The following ANKRD13D variants were observed in gnomAD, a reference collection of about 807,000 sequenced individuals.
The protein encoded by ANKRD13D is ankyrin repeat domain 13D, also known as ankyrin repeat domain-containing protein 13D.
ANKRD13D carries 24 observed loss-of-function variants against 68.8 expected under a neutral mutation model. The ratio of observed to expected loss-of-function variants is 0.35; its 90% CI spans 0.25 to 0.49. The LOEUF (loss-of-function observed/expected upper bound fraction) is 0.49. Among genes scored for constraint, ANKRD13D ranks in the 20% least tolerant of loss-of-function variants. The pLI is 0.99. For missense variants in ANKRD13D, 735 were observed against 832.1 expected (o/e 0.88, Z 1.44); for synonymous variants, 331 against 336.1 (o/e 0.98, Z 0.16).
intron 14 of ANKRD13D, 68 bp from the exon 15 acceptor site, chr11:67,302,050 GC>G: frequency 6.8e-7 from 1 of 1,466,056 alleles, no homozygotes; most frequent in Non-Finnish European, 9.1e-7. Flanking sequence ...CCGGTCCCCA[GC>G]CCCTCGGCTT....
In ANKRD13D at chr11:67,301,544, A is replaced by G; in HGVS notation, c.1405A>G (p.Ser469Gly). Residue 469 changes from serine (S) to glycine (G), a missense_variant, in exon 13 of 15, where the codon AGC (serine) becomes GGC (glycine). Coordinates refer to ENST00000511455, the MANE Select transcript of ANKRD13D (RefSeq NM_207354.3). The surrounding 1 kb of genome is among the most constrained non-coding windows in gnomAD (Gnocchi z 4.5). ...PTVFEVPNGY[S>G]VLGMERNEPL... Reference sequence around the variant, plus strand: ...CGTGTTTGAAGTGCCCAACGGGTACAGCGTGCTGGGCATGGAGCGCAACGA... The same window carrying G: ...CGTGTTTGAAGTGCCCAACGGGTACGGCGTGCTGGGCATGGAGCGCAACGA... The G allele has an allele frequency of 6.2e-7, 1 of 1,613,066 alleles. No individual in the cohort carries two copies. Among genetic ancestry groups the G allele is most frequent in the South Asian group, 1.1e-5 (1 of 91,088 alleles).
intron 6 of ANKRD13D, among the ~76,000 whole-genome samples, chr11:67,297,346 A>G (rs1860788910): frequency 6.6e-6 from 1 of 151,886 alleles, no homozygotes; most frequent in Non-Finnish European, 1.5e-5. Context: ...AGCTGGGAAC[A>G]CAGGCGCCAG....
At chr11:67,290,842 C>T (rs1002217273) in intron 3 of ANKRD13D, 2 of 195,820 alleles carry the variant, frequency 1.0e-5, no homozygotes, top group African/African-American at 4.6e-5. Context: ...GGAGCAGGCT[C>T]GGAGGGAGCC....
Position 67,289,535 on chromosome 11 carries a change from A to G in ANKRD13D, c.75A>G (p.Ala25=). 1.3e-6 allele frequency: 2 copies of G among 1,521,568 alleles called. No homozygotes were observed. Among genetic ancestry groups the G allele is most frequent in the East Asian group, 2.5e-5 (1 of 39,316 alleles). 94.3% of individuals were successfully genotyped at this position (1,521,568 alleles called of 1,614,324 possible). Residue 25 remains alanine (A), a synonymous_variant, in exon 1 of 15, where the codon GCA becomes GCG. Coordinates refer to ENST00000511455, the MANE Select transcript of ANKRD13D (RefSeq NM_207354.3). ...WANRHRELEA[A]LHSHQHDIEQ... is the part of the protein sequence containing the mutation. Reference sequence around the variant, plus strand: ...ACCGGCATCGCGAACTGGAGGCCGCACTGCACAGCCACCAGGTGAGGCCCC... The same window carrying G: ...ACCGGCATCGCGAACTGGAGGCCGCGCTGCACAGCCACCAGGTGAGGCCCC...
At position 67,290,378 on chromosome 11, in the gene ANKRD13D, T is replaced by G; in HGVS notation, c.283T>G (p.Tyr95Asp). ...CGAGATGGTGCAGCTGGTGCTCCAG[T>G]ATCGGGACTACCAGAGGGCCACGCA... ...DPEMVQLVLQ[Y>D]RDYQRATQRL... Residue 95 changes from tyrosine (Y) to aspartate (D), a missense_variant, in exon 3 of 15, where the codon TAT becomes GAT. By Grantham distance (160) the Tyr-to-Asp change is radical (BLOSUM62 -3). Coordinates refer to ENST00000511455, the MANE Select transcript of ANKRD13D (RefSeq NM_207354.3). 6 of 1,588,032 alleles carry G rather than the reference T, an allele frequency of 3.8e-6. No homozygotes were observed. Among genetic ancestry groups the G allele is most frequent in the Non-Finnish European group, 4.3e-6 (5 of 1,168,212 alleles).
At chr11:67,292,668 C>T (rs750011657) in intron 6 of ANKRD13D, among the ~76,000 whole-genome samples, 1 of 151,822 alleles carries the variant, frequency 6.6e-6, no homozygotes, top group Non-Finnish European at 1.5e-5. Flanking sequence ...TCTCATATAC[C>T]ATATAAGATC....
At chr11:67,294,742 G>A (rs1860699292) in intron 6 of ANKRD13D, among the ~76,000 whole-genome samples, 1 of 152,010 alleles carries the variant, frequency 6.6e-6, no homozygotes, top group African/African-American at 2.4e-5. Context: ...ATTTCACCAT[G>A]TCGGACCAGG....
Position 67,299,902 on chromosome 11 carries a change from G to A in ANKRD13D, c.942+14G>A, listed in dbSNP as rs748418860. 2 of 1,552,038 alleles carry A rather than the reference G, an allele frequency of 1.3e-6. No individual in the cohort carries two copies. The highest frequency in any genetic ancestry group is 1.7e-6 in the Non-Finnish European group (2 of 1,147,546). ...TCCCACACCGGGGTGAGCCGGGGCT[G>A]GGCCGAGACAGGGCTGGCGGGGGGC... On this transcript the variant is annotated intron_variant, in intron 9 of 14. Transcript: ENST00000511455. This position sits in a 1 kb window ranked among gnomAD's most constrained non-coding sequence, Gnocchi z 6.2.
In ANKRD13D at chr11:67,301,227, G is replaced by A. The variant is rs1345755457; in HGVS notation, c.1232-55G>A. On this transcript the variant is annotated intron_variant, in intron 11 of 14. Coordinates refer to ENST00000511455, the MANE Select transcript of ANKRD13D (RefSeq NM_207354.3). The surrounding 1 kb of genome is among the most constrained non-coding windows in gnomAD (Gnocchi z 4.5). ...GCGCAGTCCCTGGAGAGCTGCAGGG[G>A]CCGGAGGCACAGGTGGCTCTCCGCC... 7.5e-6 allele frequency: 12 copies of A among 1,595,210 alleles called. No individual in the cohort carries two copies. The East Asian group carries it at 1.3e-4, about 18-fold the overall frequency.
At position 67,299,660 on chromosome 11, in the gene ANKRD13D, G is replaced by A. The variant is rs1012035320; in HGVS notation, c.880+49G>A. On this transcript the variant is annotated intron_variant, in intron 8 of 14. Transcript: ENST00000511455. This position sits in a 1 kb window ranked among gnomAD's most constrained non-coding sequence, Gnocchi z 6.2. ...CTGCCCGGTCACACCGTGTGGTGGGGTCACCCTGGCCTGGGATTAGGGGCC... is the reference window on the plus strand; with the variant it reads ...CTGCCCGGTCACACCGTGTGGTGGGATCACCCTGGCCTGGGATTAGGGGCC... The A allele has an allele frequency of 6.5e-7, 1 of 1,546,342 alleles. No homozygotes were observed. The highest frequency in any genetic ancestry group is 8.7e-7 in the Non-Finnish European group (1 of 1,143,734).
intron 6 of ANKRD13D, among the ~76,000 whole-genome samples, chr11:67,297,526 G>T (rs560595338): frequency 0.041 from 5,531 of 134,350 alleles, 429 homozygotes; most frequent in Admixed American, 0.19. Flanking sequence ...AAGTTTTTTG[G>T]TTTTTTTTTT....
At chr11:67,295,758 A>T (rs1442713690) in intron 6 of ANKRD13D, among the ~76,000 whole-genome samples, 1 of 152,142 alleles carries the variant, frequency 6.6e-6, no homozygotes, top group East Asian at 1.9e-4. Context: ...AATAAATAAA[A>T]AAGAAAAGAA....
intron 3 of ANKRD13D, 75 bp from the exon 4 acceptor site, chr11:67,291,401 G>T: frequency 3.6e-6 from 5 of 1,380,000 alleles, no homozygotes; most frequent in East Asian, 2.3e-5. Flanking sequence ...TGGGCTGGCT[G>T]TGGACAAGGG....
chr11:67,291,216 G>A, intron 3 of ANKRD13D: 4 of 468,860 alleles, frequency 8.5e-6, no homozygotes, highest in South Asian at 7.9e-5. Context: ...AATTAGCTGG[G>A]AGTGGTGGCA....
rs538979431 is a variant in ANKRD13D, at chr11:67,301,727, T to C, written c.1513-5T>C. 1.9e-6 allele frequency: 3 copies of C among 1,611,628 alleles called. No individual in the cohort carries two copies. Among genetic ancestry groups the C allele is most frequent in the East Asian group, 4.5e-5 (2 of 44,874 alleles). ...AGTGACAGCTGTGGGCTCTGGTGGCTGCAGGTGACCGTCTGGGAAGCCCTG... is the reference window on the plus strand; with the variant it reads ...AGTGACAGCTGTGGGCTCTGGTGGCCGCAGGTGACCGTCTGGGAAGCCCTG... On this transcript the variant is annotated splice_polypyrimidine_tract_variant and splice_region_variant and intron_variant, in intron 13 of 14. Transcript: ENST00000511455. The surrounding 1 kb of genome is among the most constrained non-coding windows in gnomAD (Gnocchi z 4.5).
chr11:67,301,358 CGT>C lies in ANKRD13D; in HGVS notation c.1312_1313del (p.Trp438GlyfsTer25). On this transcript the variant is annotated frameshift_variant, in exon 12 of 15. Coordinates refer to ENST00000511455, the MANE Select transcript of ANKRD13D (RefSeq NM_207354.3). LOFTEE classifies it high-confidence loss of function. This position sits in a 1 kb window ranked among gnomAD's most constrained non-coding sequence, Gnocchi z 4.5. ...GTGGCTGTGATGAGCCCCTGAGCTC[CGT>C]GTGGGTGCCGGCCCCCAGCTCTGCT... ...LCGCDEPLSSVWVPAPSSAVA... is the reference protein window; with the variant it reads ...LCGCDEPLSSXWVPAPSSAVA... The C allele has an allele frequency of 1.2e-6, 2 of 1,613,496 alleles. No homozygotes were observed. The highest frequency in any genetic ancestry group is 2.2e-5 in the South Asian group (2 of 91,044).
chr11:67,294,699 C>T (rs1860698115), intron 6 of ANKRD13D, among the ~76,000 whole-genome samples: 1 of 152,054 alleles, frequency 6.6e-6, no homozygotes, highest in African/African-American at 2.4e-5. Flanking sequence ...CACCACCACT[C>T]CTTGCTAATT....
rs375940543 is a variant in ANKRD13D, at chr11:67,290,441, C to A, written c.346C>A (p.Arg116Ser). The change falls in exon 3 of 15, where the codon CGC becomes AGC. Residue 116 changes from arginine (R) to serine (S), a missense_variant. Transcript: ENST00000511455. ...AGIPELLNKL[R>S]QAPDFYVEMK... ...CATTCCGGAACTGCTCAACAAACTT[C>A]GCCAGGTACAGCAGGGCACAGTTAT... The A allele has an allele frequency of 5.7e-6, 9 of 1,581,720 alleles. No individual in the cohort carries two copies. The African/African-American group carries it at 9.4e-5, about 17-fold the overall frequency.
intron 6 of ANKRD13D, among the ~76,000 whole-genome samples, chr11:67,295,823 A>G (rs1442474482): frequency 6.6e-6 from 1 of 152,232 alleles, no homozygotes; most frequent in African/African-American, 2.4e-5. Flanking sequence ...TCTTAGGGGA[A>G]AAACATTCAG....
Sources: gnomAD v4.1 joint callset for allele counts (sites outside exome capture counted in the v4.1 genomes callset) on GRCh38, gnomAD v4.1.1 for gene constraint, Gnocchi (gnomAD v3.1) non-coding constraint, MANE v1.5 for transcripts, NCBI Gene and HGNC (gene_info 2026-07-23, HGNC 2026-07-21) for gene names.